The following SF3A1 variants were observed in gnomAD, a reference collection of about 807,000 sequenced individuals.
The protein encoded by SF3A1 is splicing factor 3a subunit 1.
Under a neutral mutation model 89.9 loss-of-function variants are expected in SF3A1, and 13 were observed. The ratio of observed to expected loss-of-function variants is 0.14; its 90% CI spans 0.09 to 0.23. The LOEUF is 0.23. SF3A1 is among the 10% of genes least tolerant of loss of function. The probability of loss-of-function intolerance (pLI) is 1.00; values close to 1 mark genes in which losing one functional copy is unlikely to be tolerated. For synonymous variants in SF3A1, 405 were observed against 374.4 expected, an observed-to-expected ratio of 1.08 and a Z score of -0.94; for missense variants, 604 against 1,022.1, an observed-to-expected ratio of 0.59 and a Z score of 5.58.
chr22:30,343,232 C>T (rs1402899896), intron 4 of SF3A1, among the ~76,000 whole-genome samples: 2 of 152,132 alleles, frequency 1.3e-5, no homozygotes, highest in East Asian at 1.9e-4. Context: ...AAAAACACTA[C>T]GCAGGTCCCC....
At chr22:30,337,258 G>C (rs1284452390) in intron 12 of SF3A1, 78 bp from the exon 13 acceptor site, 5 of 1,376,082 alleles carry the variant, frequency 3.6e-6, no homozygotes, top group Non-Finnish European at 4.9e-6. Context: ...AGTTGAGAGG[G>C]AAGGTTGCAA....
intron 1 of SF3A1, 142 bp from the exon 2 acceptor site, chr22:30,353,214 A>G (rs533475042): frequency 9.0e-7 from 1 of 1,110,292 alleles, no homozygotes; most frequent in Admixed American, 2.7e-5. Context: ...ACTTCAGAAA[A>G]GCAGTTCTCT....
chr22:30,354,371 C>T (rs750277913), intron 1 of SF3A1, among the ~76,000 whole-genome samples: 5 of 152,130 alleles, frequency 3.3e-5, no homozygotes, highest in African/African-American at 9.7e-5. Context: ...ATTATCTGGG[C>T]GTGAATGGTG....
In SF3A1 at chr22:30,334,629, G is replaced by A. The variant is rs2145798868; in HGVS notation, c.2347C>T (p.Leu783=). The A allele has an allele frequency of 1.3e-6, 2 of 1,582,032 alleles. No homozygotes were observed. Among genetic ancestry groups the A allele is most frequent in the East Asian group, 2.4e-5 (1 of 42,364 alleles). ...CTCCCGCCTCTCTCCTTGAGGGCCA[G>A]GTGGATGACTGCGCCATTGGCCATG... ...YNMANGAVIH[L]ALKERGGRKK is the part of the protein sequence containing the mutation. The change falls in exon 16 of 16, where the codon CTG becomes TTG. Residue 783 remains leucine (L), a synonymous_variant. Coordinates refer to ENST00000215793, the MANE Select transcript of SF3A1 (RefSeq NM_005877.6).
chr22:30,349,979 T>C (rs1470452841), intron 2 of SF3A1, among the ~76,000 whole-genome samples: 1 of 152,162 alleles, frequency 6.6e-6, no homozygotes, highest in Non-Finnish European at 1.5e-5. Flanking sequence ...TATCCTCTTA[T>C]TTCTTTAGCA....
rs368092930 is a variant in SF3A1 at position 30,340,780 on chromosome 22, C to T, written c.1104G>A (p.Val368=). The T allele has an allele frequency of 5.0e-6, 8 of 1,593,974 alleles. No homozygotes were observed. Among genetic ancestry groups the T allele is most frequent in the Non-Finnish European group, 6.8e-6 (8 of 1,170,474 alleles). Residue 368 remains valine (V), a synonymous_variant, in exon 8 of 16, where the codon GTG becomes GTA. Transcript: ENST00000215793. The stretch of plus-strand genomic sequence containing the variant: ...GCATGGGTGTCTCTGGGGGTGGGGG[C>T]ACTTTCTGCCCTTCTTCTTCATCAT... ...GSDDEEEGQK[V]PPPPETPMPP... is the part of the protein sequence containing the mutation.
intron 1 of SF3A1, 78 bp from the exon 2 acceptor site, chr22:30,353,150 A>G: frequency 1.3e-6 from 2 of 1,541,904 alleles, no homozygotes; most frequent in Non-Finnish European, 1.8e-6. Flanking sequence ...CTCCTCTAGG[A>G]TATCATTCAG....
intron 1 of SF3A1, 64 bp downstream of exon 1, chr22:30,356,666 T>C (rs1378051912): frequency 7.9e-7 from 1 of 1,269,990 alleles, no homozygotes; most frequent in Non-Finnish European, 1.1e-6. Flanking sequence ...CGCTTATTCC[T>C]GTGCGAGTAA....
rs1197681563 is a variant in SF3A1, at chr22:30,342,604, G to A, written c.726+201C>T. ...AGTGGAAAAGAGGGAGATATATTGA[G>A]GCTGAGAGCAAAGCAGAAAGTTGTG... On this transcript the variant is annotated intron_variant, in intron 5 of 15. Coordinates refer to ENST00000215793, the MANE Select transcript of SF3A1 (RefSeq NM_005877.6). 1.9e-5 allele frequency: 12 copies of A among 622,296 alleles called. No individual in the cohort carries two copies. The African/African-American group carries it at 2.2e-4, about 11-fold the overall frequency. The allele number at this position is 622,296 out of a possible 1,614,324, so 38.5% of individuals were successfully genotyped here. A position where few individuals can be genotyped will look rare whatever the true frequency, so the allele number is the denominator to read the frequency against.
Position 30,354,120 on chromosome 22 carries a change from A to AT in SF3A1, c.64-1049dup, listed in dbSNP as rs568593229. 4.4e-3 allele frequency among the ~76,000 whole-genome samples: 666 copies of AT among 152,136 alleles called. 3 individuals are homozygous for AT. Among genetic ancestry groups the AT allele is most frequent in the South Asian group, 0.031 (150 of 4,816 alleles). On this transcript the variant is annotated intron_variant, in intron 1 of 15. Coordinates refer to ENST00000215793, the MANE Select transcript of SF3A1 (RefSeq NM_005877.6). ...CACTAACGATCCCATAAGTACCAAT[A>AT]TTTTTTCACCAGCAGCTTCTTCCCC...
intron 7 of SF3A1, among the ~76,000 whole-genome samples, chr22:30,341,325 G>A (rs567977078): frequency 6.6e-6 from 1 of 152,336 alleles, no homozygotes; most frequent in African/African-American, 2.4e-5. Flanking sequence ...CTGAAAGGAA[G>A]CGTGGGCTAC....
Position 30,356,786 on chromosome 22 carries a change from C to T in SF3A1, c.7G>A (p.Ala3Thr). 1 of 1,422,646 alleles carries T rather than the reference C, an allele frequency of 7.0e-7. No homozygotes were observed. The highest frequency in any genetic ancestry group is 9.3e-7 in the Non-Finnish European group (1 of 1,079,174). 88.1% of individuals were successfully genotyped at this position (1,422,646 alleles called of 1,614,324 possible). Residue 3 changes from alanine to threonine, a missense_variant, in exon 1 of 16, where the codon GCC becomes ACC. By Grantham distance (58) the Ala-to-Thr change is moderately conservative. Transcript: ENST00000215793. Reference sequence around the variant, plus strand: ...GGGGGCACCGCCTGCACGGGTCCGGCCGGCATGACTGCGACGCTCAGGGCT... The same window carrying T: ...GGGGGCACCGCCTGCACGGGTCCGGTCGGCATGACTGCGACGCTCAGGGCT... MP[A>T]GPVQAVPPPP... is the part of the protein sequence containing the mutation.
At chr22:30,350,319 AAAT>A (rs1569174859) in intron 2 of SF3A1, among the ~76,000 whole-genome samples, 8 of 150,468 alleles carry the variant, frequency 5.3e-5, no homozygotes, top group South Asian at 2.1e-4. Flanking sequence ...AAAATAAAAA[AAAT>A]AAAAAAAAAA....
intron 12 of SF3A1, 95 bp from the exon 13 acceptor site, chr22:30,337,275 C>T (rs1435714514): frequency 8.9e-6 from 11 of 1,233,598 alleles, no homozygotes; most frequent in Non-Finnish European, 1.0e-5. Flanking sequence ...GCAAAGGTTT[C>T]CTCTAGTCAG....
At chr22:30,341,110 G>C in intron 7 of SF3A1, among the ~76,000 whole-genome samples, 1 of 151,610 alleles carries the variant, frequency 6.6e-6, no homozygotes, top group East Asian at 2.0e-4. Flanking sequence ...AGTGCCAAGG[G>C]GGCGAGGGGT....
Position 30,334,592 on chromosome 22 carries a change from G to T in SF3A1, c.*2C>A. On this transcript the variant is annotated 3_prime_UTR_variant, in exon 16 of 16. Coordinates refer to ENST00000215793, the MANE Select transcript of SF3A1 (RefSeq NM_005877.6). ...AGGGACTTGACAGCAGGTTCCTCTT[G>T]TCTACTTCTTCCTCCCGCCTCTCTC... 1 of 1,554,254 alleles carries T rather than the reference G, an allele frequency of 6.4e-7. No homozygotes were observed. The highest frequency in any genetic ancestry group is 1.2e-5 in the South Asian group (1 of 82,764).
intron 1 of SF3A1, among the ~76,000 whole-genome samples, chr22:30,354,947 A>G (rs550336269): frequency 3.5e-4 from 54 of 152,312 alleles, no homozygotes; most frequent in South Asian, 2.1e-3. Flanking sequence ...TTATCAAGCT[A>G]TGAGTAGATC....
At chr22:30,346,112 T>G (rs1014666820) in intron 3 of SF3A1, 200 bp downstream of exon 3, 15 of 584,894 alleles carry the variant, frequency 2.6e-5, no homozygotes, top group Admixed American at 6.1e-5. Flanking sequence ...AGCACAGAGC[T>G]TGACAAGCAG....
chr22:30,340,428 CTGAGT>C (rs746767278), intron 8 of SF3A1, 47 bp from the exon 9 acceptor site: 34 of 1,587,538 alleles, frequency 2.1e-5, no homozygotes, highest in East Asian at 9.0e-5. Context: ...GGGCAGCCAC[CTGAGT>C]TAAGAGGGTG....
Sources: allele counts gnomAD v4.1 joint callset (sites outside exome capture counted in the v4.1 genomes callset), GRCh38; gene constraint gnomAD v4.1.1; transcripts MANE v1.5; gene names NCBI Gene and HGNC (gene_info 2026-07-23, HGNC 2026-07-21).